Variants in IL15 observed in about 807,000 individuals in gnomAD.
IL15 encodes interleukin-15.
A neutral mutation model predicts 19.6 loss-of-function variants in IL15; 11 were observed. The ratio of observed to expected loss-of-function variants is 0.56; its 90% CI spans 0.35 to 0.93. IL15 has a LOEUF of 0.93. Among genes scored for constraint, IL15 ranks in the 40% least tolerant of loss-of-function variants. IL15 has a pLI of 0.01. For missense variants in IL15, 197 were observed against 186.5 expected, an observed-to-expected ratio of 1.06 and a Z score of -0.33; for synonymous variants, 58 against 59.6, an observed-to-expected ratio of 0.97 and a Z score of 0.12.
intron 2 of IL15, among the ~76,000 whole-genome samples, chr4:141,682,711 T>C (rs1270471582): frequency 6.6e-6 from 1 of 151,656 alleles, no homozygotes; most frequent in Non-Finnish European, 1.5e-5. Flanking sequence ...ATAAAAACAA[T>C]AGGGGGAGGC....
chr4:141,682,654 A>C (rs1728570442), intron 2 of IL15, among the ~76,000 whole-genome samples: 2 of 152,172 alleles, frequency 1.3e-5, no homozygotes, highest in South Asian at 4.1e-4. Flanking sequence ...GCCAACACTG[A>C]AACCTTCTCT....
At chr4:141,726,306 G>A in intron 5 of IL15, among the ~76,000 whole-genome samples, 1 of 152,120 alleles carries the variant, frequency 6.6e-6, no homozygotes, top group East Asian at 1.9e-4. Context: ...TTTTTGGAGA[G>A]AAAGTAGTAA....
At chr4:141,699,642 A>G (rs1729217398) in intron 2 of IL15, among the ~76,000 whole-genome samples, 1 of 152,114 alleles carries the variant, frequency 6.6e-6, no homozygotes, top group African/African-American at 2.4e-5. Flanking sequence ...ATGTAAAAAT[A>G]GCTACTCTTG....
At chr4:141,698,117 A>G (rs1729162092) in intron 2 of IL15, among the ~76,000 whole-genome samples, 1 of 151,950 alleles carries the variant, frequency 6.6e-6, no homozygotes, top group Admixed American at 6.6e-5. Context: ...GTTTTCAACT[A>G]TGTTTATGTG....
At chr4:141,644,111 C>T (rs993996387) in intron 1 of IL15, among the ~76,000 whole-genome samples, 2 of 151,862 alleles carry the variant, frequency 1.3e-5, no homozygotes, top group African/African-American at 2.4e-5. Context: ...TATCTCTTCT[C>T]ACCCTTTTTT....
At chr4:141,715,160 T>C (rs2322301) in intron 2 of IL15, 73,157 of 151,918 alleles carry the variant, frequency 0.48, 17,683 homozygotes, top group South Asian at 0.59. Flanking sequence ...TGTCTGGAAA[T>C]TATATTAGTC....
chr4:141,644,732 C>T (rs139399332), intron 1 of IL15, among the ~76,000 whole-genome samples: 16 of 152,154 alleles, frequency 1.1e-4, no homozygotes, highest in African/African-American at 3.9e-4. Flanking sequence ...TGTGACCTTC[C>T]CCTTGTCCCA....
At chr4:141,650,197 C>T (rs1727357002) in intron 1 of IL15, among the ~76,000 whole-genome samples, 1 of 150,718 alleles carries the variant, frequency 6.6e-6, no homozygotes, top group Non-Finnish European at 1.5e-5. Context: ...ATGGAGTTGT[C>T]ACAGAAAATT....
At chr4:141,665,054 T>G (rs1727923388) in intron 2 of IL15, among the ~76,000 whole-genome samples, 2 of 152,126 alleles carry the variant, frequency 1.3e-5, no homozygotes, top group Non-Finnish European at 2.9e-5. Flanking sequence ...TTGTTGTTTT[T>G]TTAACCAAAC....
intron 2 of IL15, among the ~76,000 whole-genome samples, chr4:141,690,118 GC>G (rs1203107931): frequency 6.6e-6 from 1 of 152,144 alleles, no homozygotes. Flanking sequence ...GTCCCTCATT[GC>G]CCGGGGCCAG....
intron 2 of IL15, among the ~76,000 whole-genome samples, chr4:141,664,391 A>AC (rs1560907796): frequency 7.4e-4 from 110 of 147,658 alleles, no homozygotes; most frequent in Admixed American, 5.9e-3. Flanking sequence ...ACACACACAC[A>AC]AAACCAACAA....
chr4:141,714,144 C>G (rs999157398), intron 2 of IL15, among the ~76,000 whole-genome samples: 1 of 152,022 alleles, frequency 6.6e-6, no homozygotes, highest in African/African-American at 2.4e-5. Context: ...ACTTTCTGCT[C>G]ATGTCTTTTT....
chr4:141,713,991 A>T (rs1428087406), intron 2 of IL15, among the ~76,000 whole-genome samples: 4 of 152,094 alleles, frequency 2.6e-5, no homozygotes, highest in Admixed American at 2.0e-4. Context: ...TCACTCCACA[A>T]CCATTCACAA....
At chr4:141,718,126 G>A (rs1324924167) in intron 2 of IL15, 1 of 152,188 alleles carries the variant, frequency 6.6e-6, no homozygotes, top group Non-Finnish European at 1.5e-5. Context: ...ATGTAGTTGA[G>A]CAGGGTAGTG....
chr4:141,684,102 T>C (rs1728631292), intron 2 of IL15, among the ~76,000 whole-genome samples: 1 of 152,226 alleles, frequency 6.6e-6, no homozygotes, highest in South Asian at 2.1e-4. Flanking sequence ...GGAGATTTCA[T>C]GCTATGACCT....
chr4:141,648,224 T>A (rs947288958), intron 1 of IL15, among the ~76,000 whole-genome samples: 1 of 152,096 alleles, frequency 6.6e-6, no homozygotes, highest in African/African-American at 2.4e-5. Flanking sequence ...TTTCTGGGGA[T>A]GTACTTTGGG....
rs528165847 is a variant in IL15 at position 141,733,770 on chromosome 4, T to C, written c.*922T>C. 6.6e-6 allele frequency: 1 copy of C among 152,332 alleles called. No homozygotes were observed. Among genetic ancestry groups the C allele is most frequent in the South Asian group, 2.1e-4 (1 of 4,824 alleles). 9.4% of individuals were successfully genotyped at this position (152,332 alleles called of 1,614,324 possible). The stretch of plus-strand genomic sequence containing the variant: ...TAGTGACAGTGTTCATATTTCATGC[T>C]TTCCCAAATACAGGTATTTTATTTT... On this transcript the variant is annotated 3_prime_UTR_variant, in exon 8 of 8. Transcript: ENST00000320650.
At chr4:141,724,578 T>G (rs78488670) in intron 5 of IL15, among the ~76,000 whole-genome samples, 3 of 151,624 alleles carry the variant, frequency 2.0e-5, no homozygotes, top group Non-Finnish European at 2.9e-5. Context: ...TTGACAGAAA[T>G]AAGAGAGAAG....
chr4:141,670,959 A>G (rs921149918), intron 2 of IL15, among the ~76,000 whole-genome samples: 5 of 152,210 alleles, frequency 3.3e-5, no homozygotes, highest in Non-Finnish European at 7.3e-5. Context: ...TCATGTATGC[A>G]TTGCACAATG....
Sources: gnomAD v4.1 joint callset for allele counts (sites outside exome capture counted in the v4.1 genomes callset) on GRCh38, gnomAD v4.1.1 for gene constraint, MANE v1.5 for transcripts, NCBI Gene and HGNC (gene_info 2026-07-23, HGNC 2026-07-21) for gene names.